The following BDP1 variants were observed in gnomAD, a reference collection of about 807,000 sequenced individuals.
The protein encoded by BDP1 is BDP1 general transcription factor IIIB subunit, also known as transcription factor TFIIIB component B'' homolog.
Under a neutral mutation model 266.6 loss-of-function variants are expected in BDP1, and 169 were observed. The ratio of observed to expected loss-of-function variants is 0.63; its 90% CI spans 0.56 to 0.72. BDP1 has a LOEUF of 0.72. Ranked by LOEUF, BDP1 falls within the 30% of genes least tolerant of loss-of-function variation. The pLI, the probability that BDP1 is intolerant of heterozygous loss-of-function variation, is 0.00. For synonymous variants in BDP1, 1,090 were observed against 1,022.4 expected, an observed-to-expected ratio of 1.07 and a Z score of -1.26; for missense variants, 3,015 against 3,053.8, an observed-to-expected ratio of 0.99 and a Z score of 0.30.
At chr5:71,471,325 A>C (rs1762236393) in intron 7 of BDP1, among the ~76,000 whole-genome samples, 1 of 151,930 alleles carries the variant, frequency 6.6e-6, no homozygotes, top group African/African-American at 2.4e-5. Context: ...TATTTTTCGT[A>C]GAGAGGGGGT....
Position 71,510,151 on chromosome 5 carries a change from C to A in BDP1, c.3059C>A (p.Ser1020Tyr), listed in dbSNP as rs571503769. 1.2e-6 allele frequency: 2 copies of A among 1,612,832 alleles called. No homozygotes were observed. Among genetic ancestry groups the A allele is most frequent in the East Asian group, 4.5e-5 (2 of 44,706 alleles). Residue 1020 changes from serine to tyrosine, a missense_variant, in exon 17 of 39, where the codon TCT becomes TAT. Ser to Tyr is a moderately radical substitution (Grantham distance 144, BLOSUM62 -2). Coordinates refer to ENST00000358731, the MANE Select transcript of BDP1 (RefSeq NM_018429.3). ...TDLNATGRES[S>Y]PREKTPEVID... is the part of the protein sequence containing the mutation. ...TTGAACGCAACTGGAAGAGAGAGTT[C>A]TCCAAGGGAGAAGACACCAGAGGTG...
At chr5:71,459,444 G>A (rs1417435007) in intron 2 of BDP1, among the ~76,000 whole-genome samples, 1 of 152,158 alleles carries the variant, frequency 6.6e-6, no homozygotes, top group African/African-American at 2.4e-5. Context: ...CCTGGGAGGT[G>A]GAAGTTGCAG....
rs1434102034 is a variant in BDP1, at chr5:71,510,487, C to CCT, written c.3395_3396insCT (p.Glu1133Ter). 5 of 1,612,920 alleles carry CCT rather than the reference C, an allele frequency of 3.1e-6. No individual in the cohort carries two copies. The highest frequency in any genetic ancestry group is 4.2e-6 in the Non-Finnish European group (5 of 1,179,750). On this transcript the variant is annotated frameshift_variant, in exon 17 of 39. Transcript: ENST00000358731. LOFTEE classifies it high-confidence loss of function. The stretch of plus-strand genomic sequence containing the variant: ...GAGATTTCCCCAAGGGAGAAGACAC[C>CCT]AGAGGTGATTGATGCCACTGAGGAA...
chr5:71,458,202 T>G (rs186947326), intron 1 of BDP1, among the ~76,000 whole-genome samples: 51 of 152,210 alleles, frequency 3.4e-4, no homozygotes, highest in African/African-American at 1.2e-3. Flanking sequence ...TGAATTAAAA[T>G]TTTTTTAAAT....
chr5:71,527,920 G>A (rs1765991266), intron 25 of BDP1, among the ~76,000 whole-genome samples: 1 of 151,286 alleles, frequency 6.6e-6, no homozygotes, highest in Non-Finnish European at 1.5e-5. Flanking sequence ...CCAGGTTCAA[G>A]CAATTCTTCT....
intron 34 of BDP1, among the ~76,000 whole-genome samples, chr5:71,550,861 A>G (rs1459064103): frequency 1.3e-5 from 2 of 152,038 alleles, no homozygotes; most frequent in East Asian, 1.9e-4. Context: ...GCGTGCCACC[A>G]CACTGGCTAA....
rs1764815964 is a variant in BDP1, at chr5:71,510,098, C to A, written c.3006C>A (p.Val1002=). The A allele has an allele frequency of 6.2e-7, 1 of 1,611,604 alleles. No individual in the cohort carries two copies. The highest frequency in any genetic ancestry group is 1.4e-5 in the African/African-American group (1 of 74,068). Residue 1002 remains valine, a synonymous_variant, in exon 17 of 39, where the codon GTC becomes GTA. Transcript: ENST00000358731. ...CAAGGGAAAATGGCCCAGAGGAGGT[C>A]AAGCCTGTAGATGAAATGGAGACAG... ...ISPRENGPEE[V]KPVDEMETDL... is the part of the protein sequence containing the mutation.
chr5:71,539,492 C>A, intron 27 of BDP1, 65 bp from the exon 28 acceptor site: 3 of 1,309,626 alleles, frequency 2.3e-6, no homozygotes, highest in East Asian at 4.7e-5. Context: ...AATTAAAAAT[C>A]TTTTTTAAGT....
rs532554885 is a variant in BDP1, at chr5:71,476,848, C to T, written c.1014+6359C>T. Among the ~76,000 whole-genome samples, 39 of 152,268 alleles carry T rather than the reference C, an allele frequency of 2.6e-4. No homozygotes were observed. In the East Asian group the frequency reaches 5.2e-3, roughly 20 times the overall value. The stretch of plus-strand genomic sequence containing the variant: ...CCTTCCGAGTAGCTGGGACTACAGG[C>T]GCCCGCCACCACGCCTGGCTAATTT... On this transcript the variant is annotated intron_variant, in intron 7 of 38. Transcript: ENST00000358731.
chr5:71,466,282 G>A, intron 5 of BDP1, 61 bp downstream of exon 5: 1 of 1,581,962 alleles, frequency 6.3e-7, no homozygotes, highest in Non-Finnish European at 8.6e-7. Flanking sequence ...GCTTTGTCTA[G>A]TGAAAGAGGT....
chr5:71,574,853 G>A, the BDP1 span, among the ~76,000 whole-genome samples: 2 of 152,134 alleles, frequency 1.3e-5, no homozygotes, highest in African/African-American at 4.8e-5. Context: ...CCAACCAGTA[G>A]CCTCTAATAG....
In BDP1 at chr5:71,486,493, G is replaced by A. The variant is rs751018376; in HGVS notation, c.1079G>A (p.Arg360His). ...WRIDKAFQEK[R>H]PFDFDFFAHL... ...CCTTTTCTTTAAACAGAGGAAAAGC[G>A]CCCTTTTGACTTCGATTTTTTTGCT... Residue 360 changes from arginine (R) to histidine (H), a missense_variant, in exon 9 of 39, where the codon CGC becomes CAC. Physicochemically the swap from Arg to His is conservative, Grantham distance 29. This residue lies in a region of BDP1 where 2,383 missense variants were observed against 2,404.9 expected (regional missense o/e 0.99). Transcript: ENST00000358731. The A allele has an allele frequency of 1.2e-5, 18 of 1,537,622 alleles. No individual in the cohort carries two copies. In the African/African-American group the frequency reaches 1.3e-4, roughly 11 times the overall value.
intron 7 of BDP1, 80 bp downstream of exon 7, chr5:71,470,569 G>T: frequency 5.4e-6 from 5 of 932,254 alleles, no homozygotes; most frequent in South Asian, 3.2e-5. Flanking sequence ...GCTTACCTTT[G>T]GTTTAAATCT....
chr5:71,536,397 T>C (rs934161780), intron 26 of BDP1, among the ~76,000 whole-genome samples: 4 of 152,208 alleles, frequency 2.6e-5, no homozygotes, highest in African/African-American at 9.7e-5. Flanking sequence ...ATATACTGCA[T>C]ACTCAAATTT....
At position 71,564,814 on chromosome 5, in the gene BDP1, C is replaced by A; in HGVS notation, c.7804C>A (p.Gln2602Lys). ...TAAAAGTGCCCAAAAGCGGGCCCCT[C>A]AAGGGGAGGCAACCACAGTCTCTGA... ...GYKSAQKRAP[Q>K]GEATTVSEYF... The change falls in exon 39 of 39, where the codon CAA (glutamine) becomes AAA (lysine). Residue 2602 changes from glutamine (Q) to lysine (K), a missense_variant. Physicochemically the swap from Gln to Lys is moderately conservative, Grantham distance 53. Coordinates refer to ENST00000358731, the MANE Select transcript of BDP1 (RefSeq NM_018429.3). 1 of 1,611,654 alleles carries A rather than the reference C, an allele frequency of 6.2e-7. No homozygotes were observed. Among genetic ancestry groups the A allele is most frequent in the Non-Finnish European group, 8.5e-7 (1 of 1,179,686 alleles).
In BDP1 at chr5:71,524,119, G is replaced by T; in HGVS notation, c.5568G>T (p.Lys1856Asn). 1 of 1,614,168 alleles carries T rather than the reference G, an allele frequency of 6.2e-7. No homozygotes were observed. Among genetic ancestry groups the T allele is most frequent in the Non-Finnish European group, 8.5e-7 (1 of 1,180,032 alleles). The change falls in exon 25 of 39, where the codon AAG becomes AAT. Residue 1856 changes from lysine to asparagine, a missense_variant. Physicochemically the swap from Lys to Asn is moderately conservative, Grantham distance 94 (BLOSUM62 0). Coordinates refer to ENST00000358731, the MANE Select transcript of BDP1 (RefSeq NM_018429.3). ...SKRVRGKTSKKEPRASKAMLV... is the reference protein window; with the variant it reads ...SKRVRGKTSKNEPRASKAMLV... ...GAGTTCGGGGTAAGACCTCTAAGAAGGAACCTAGAGCTTCCAAGGCCATGC... is the reference window on the plus strand; with the variant it reads ...GAGTTCGGGGTAAGACCTCTAAGAATGAACCTAGAGCTTCCAAGGCCATGC...
At chr5:71,458,322 A>G (rs1053924596) in intron 1 of BDP1, among the ~76,000 whole-genome samples, 2 of 152,106 alleles carry the variant, frequency 1.3e-5, no homozygotes, top group African/African-American at 4.8e-5. Context: ...GGGTAAGCCT[A>G]TAATTATGTG....
intron 37 of BDP1, among the ~76,000 whole-genome samples, chr5:71,561,858 C>G (rs1743677857): frequency 6.6e-6 from 1 of 152,166 alleles, no homozygotes; most frequent in African/African-American, 2.4e-5. Context: ...GTTCTAGAGA[C>G]CGGGGTCCTG....
rs372469450 is a variant in BDP1 at position 71,497,360 on chromosome 5, A to T, written c.1890A>T (p.Ser630=). The change falls in exon 13 of 39, where the codon TCA becomes TCT. Residue 630 remains serine, a synonymous_variant. Transcript: ENST00000358731. The stretch of plus-strand genomic sequence containing the variant: ...ATTTGTCAAGGGCTGGGAAGAAATC[A>T]GTTCTTTCACAAGGCAAAACAGAGT... ...KPNLSRAGKK[S]VLSQGKTESE... 5 of 1,613,690 alleles carry T rather than the reference A, an allele frequency of 3.1e-6. No individual in the cohort carries two copies. Among genetic ancestry groups the T allele is most frequent in the Non-Finnish European group, 4.2e-6 (5 of 1,179,884 alleles).
Sources: allele counts gnomAD v4.1 joint callset (sites outside exome capture counted in the v4.1 genomes callset), GRCh38; gene constraint gnomAD v4.1.1; regional missense constraint gnomAD v4.1.1; transcripts MANE v1.5; gene names NCBI Gene and HGNC (gene_info 2026-07-23, HGNC 2026-07-21).